Variants in DOCK8 observed in about 807,000 individuals in gnomAD.
DOCK8 encodes dedicator of cytokinesis protein 8.
In DOCK8, 141 loss-of-function variants were observed where a neutral mutation model predicts 245.6. The ratio of observed to expected loss-of-function variants is 0.57; its 90% confidence interval spans 0.50 to 0.66. DOCK8 has a LOEUF of 0.66. Ranked by LOEUF, DOCK8 falls within the 30% of genes least tolerant of loss-of-function variation. The pLI is 0.00. For synonymous variants in DOCK8, 1,168 were observed against 970.2 expected (o/e 1.20, Z -3.79); for missense variants, 2,965 against 2,603.4 (o/e 1.14, Z -3.02).
At chr9:267,825 A>T (rs186828144) in intron 1 of DOCK8, 26 of 152,270 alleles carry the variant, frequency 1.7e-4, no homozygotes, top group African/African-American at 6.3e-4. Flanking sequence ...GTTATTTCTA[A>T]TTATTTGCTA....
chr9:452,490 C>G (rs188832547), intron 46 of DOCK8: 1 of 168,858 alleles, frequency 5.9e-6, no homozygotes, highest in East Asian at 1.6e-4. Flanking sequence ...ATCAGAGGTT[C>G]AGAGAGAGGA....
In DOCK8 at chr9:304,451, A is replaced by G. The variant is rs76033674; in HGVS notation, c.405-130A>G. The G allele has an allele frequency of 3.0e-3, 3,608 of 1,206,322 alleles. 95 individuals are homozygous for G. In the African/African-American group the frequency reaches 0.049, roughly 16 times the overall value. The allele number at this position is 1,206,322 out of a possible 1,614,324, so 74.7% of individuals were successfully genotyped here. A position where few individuals can be genotyped will look rare whatever the true frequency, so the allele number is the denominator to read the frequency against. On this transcript the variant is annotated intron_variant, in intron 4 of 47. Coordinates refer to ENST00000432829, the MANE Select transcript of DOCK8 (RefSeq NM_203447.4). The stretch of plus-strand genomic sequence containing the variant: ...AGAATAATTAAATGTGAGGAATTAT[A>G]ATTGGTTCCCTCTTTGAAAGCTCTC...
rs2057473263 is a variant in DOCK8, at chr9:451,973, ATATATTTTTTTTTTTTTTTTTT to A, written c.5962-36_5962-15del. On this transcript the variant is annotated splice_polypyrimidine_tract_variant and intron_variant, in intron 45 of 47. Coordinates refer to ENST00000432829, the MANE Select transcript of DOCK8 (RefSeq NM_203447.4). ...TGTGTGTGTATATATATATATATAT[ATATATTTTTTTTTTTTTTTTTT>A]TTTTTTTCCCACCAGGGACCACTGG... 1.1e-5 allele frequency: 4 copies of A among 369,998 alleles called. 1 individual carries two copies. The African/African-American group carries it at 1.4e-4, about 13-fold the overall frequency. The allele number at this position is 369,998 out of a possible 1,614,324, so 22.9% of individuals were successfully genotyped here. A position where few individuals can be genotyped will look rare whatever the true frequency, so the allele number is the denominator to read the frequency against.
intron 1 of DOCK8, among the ~76,000 whole-genome samples, chr9:240,983 A>G (rs185129729): frequency 5.2e-4 from 79 of 152,314 alleles, no homozygotes; most frequent in Non-Finnish European, 8.4e-4. Flanking sequence ...AAAAGGGAAA[A>G]TGATTATTGT....
intron 2 of DOCK8, among the ~76,000 whole-genome samples, chr9:272,221 C>T (rs1388883640): frequency 3.9e-5 from 6 of 152,184 alleles, no homozygotes; most frequent in African/African-American, 1.4e-4. Flanking sequence ...TTAACCTTTC[C>T]TCAGTCAAGA....
intron 24 of DOCK8, among the ~76,000 whole-genome samples, chr9:394,318 A>G (rs1041110593): frequency 6.6e-6 from 1 of 152,242 alleles, no homozygotes. Flanking sequence ...CCCAGCCAGA[A>G]CTTTGCAAGG....
chr9:226,892 T>C (rs1319796062), intron 1 of DOCK8, among the ~76,000 whole-genome samples: 1 of 152,174 alleles, frequency 6.6e-6, no homozygotes, highest in East Asian at 1.9e-4. Context: ...AAGGAAAAAA[T>C]ATTGATATGA....
intron 4 of DOCK8, among the ~76,000 whole-genome samples, chr9:297,798 T>C (rs1172703897): frequency 3.9e-5 from 6 of 152,178 alleles, no homozygotes; most frequent in Admixed American, 3.9e-4. Flanking sequence ...AATGGGGAAG[T>C]AGATGTTAAA....
chr9:389,931 G>A (rs2054113734), intron 23 of DOCK8, among the ~76,000 whole-genome samples: 2 of 152,096 alleles, frequency 1.3e-5, no homozygotes, highest in Admixed American at 1.3e-4. Context: ...ACTAAAGTAG[G>A]TGGGAGGATT....
At chr9:285,550 A>G (rs1375789203) in intron 2 of DOCK8, among the ~76,000 whole-genome samples, 6 of 152,156 alleles carry the variant, frequency 3.9e-5, no homozygotes, top group Non-Finnish European at 8.8e-5. Flanking sequence ...ATATGACACA[A>G]ATCTACTTGA....
chr9:386,075 C>T (rs1365682071), intron 22 of DOCK8, among the ~76,000 whole-genome samples: 1 of 152,020 alleles, frequency 6.6e-6, no homozygotes, highest in Non-Finnish European at 1.5e-5. Flanking sequence ...ACTCAGCAGC[C>T]CAGATTCTTA....
chr9:426,900 A>T lies in DOCK8; in HGVS notation c.4257A>T (p.Leu1419Phe). The T allele has an allele frequency of 6.2e-7, 1 of 1,614,124 alleles. No individual in the cohort carries two copies. The highest frequency in any genetic ancestry group is 8.5e-7 in the Non-Finnish European group (1 of 1,179,984). The part of the protein sequence containing the change: ...NEKLDKTKAE[L>F]DQEALISGNL... ...TGTTTCCTAGAACAAAGGCCGAGTT[A>T]GATCAAGAAGCCTTGATCAGTGGCA... The change falls in exon 34 of 48, where the codon TTA becomes TTT. Residue 1419 changes from leucine (L) to phenylalanine (F), a missense_variant. Physicochemically the swap from Leu to Phe is conservative, Grantham distance 22 (BLOSUM62 0). Coordinates refer to ENST00000432829, the MANE Select transcript of DOCK8 (RefSeq NM_203447.4).
chr9:462,823 T>A (rs1399268632), intron 46 of DOCK8, among the ~76,000 whole-genome samples: 1 of 152,180 alleles, frequency 6.6e-6, no homozygotes, highest in Non-Finnish European at 1.5e-5. Flanking sequence ...TCACAGTGAG[T>A]TTTTTGTAAG....
intron 25 of DOCK8, among the ~76,000 whole-genome samples, chr9:398,160 G>A (rs1329587789): frequency 6.6e-6 from 1 of 152,176 alleles, no homozygotes; most frequent in Non-Finnish European, 1.5e-5. Flanking sequence ...GCACAGTGAG[G>A]TTGATAAATT....
chr9:327,622 C>G (rs1041703608), intron 8 of DOCK8, among the ~76,000 whole-genome samples: 2 of 152,112 alleles, frequency 1.3e-5, no homozygotes, highest in Non-Finnish European at 2.9e-5. Flanking sequence ...GTTTCAAACT[C>G]GTGAGCTCAA....
chr9:333,394 G>C (rs1441002060), intron 10 of DOCK8, among the ~76,000 whole-genome samples: 3 of 152,218 alleles, frequency 2.0e-5, no homozygotes, highest in South Asian at 2.1e-4. Context: ...GAGGTCAGAA[G>C]ATTGAGACCA....
At chr9:437,596 A>G (rs534094148) in intron 39 of DOCK8, among the ~76,000 whole-genome samples, 1 of 152,366 alleles carries the variant, frequency 6.6e-6, no homozygotes, top group East Asian at 1.9e-4. Context: ...AGACAGCATT[A>G]ACAACAGATG....
chr9:355,206 T>TTTTC (rs1436069667), intron 14 of DOCK8, among the ~76,000 whole-genome samples: 47 of 139,734 alleles, frequency 3.4e-4, no homozygotes, highest in Middle Eastern at 3.5e-3. Flanking sequence ...TTTTTTTTTT[T>TTTTC]TTTTTTTTTT....
At chr9:288,287 C>G (rs906395098) in intron 3 of DOCK8, among the ~76,000 whole-genome samples, 7 of 152,138 alleles carry the variant, frequency 4.6e-5, no homozygotes, top group Admixed American at 6.5e-5. Context: ...GTTGAACAAC[C>G]TGTGCCTAGC....
Sources: allele counts gnomAD v4.1 joint callset (sites outside exome capture counted in the v4.1 genomes callset), GRCh38; gene constraint gnomAD v4.1.1; transcripts MANE v1.5; gene names NCBI Gene and HGNC (gene_info 2026-07-23, HGNC 2026-07-21).